The following GPR158 variants were observed in gnomAD, a reference collection of about 807,000 sequenced individuals.
GPR158 encodes metabotropic glycine receptor.
Under a neutral mutation model 78.2 loss-of-function variants are expected in GPR158, and 30 were observed. That is an observed-to-expected ratio of 0.38 (90% CI 0.29 to 0.52). GPR158 has a LOEUF of 0.52. Ranked by LOEUF, GPR158 falls within the 20% of genes least tolerant of loss-of-function variation. The probability of loss-of-function intolerance (pLI) is 0.83; values close to 1 mark genes in which losing one functional copy is unlikely to be tolerated. For missense variants in GPR158, 1,463 were observed against 1,523.5 expected, an observed-to-expected ratio of 0.96 and a Z score of 0.66; for synonymous variants, 581 against 591.1, an observed-to-expected ratio of 0.98 and a Z score of 0.25.
intron 2 of GPR158, among the ~76,000 whole-genome samples, chr10:25,379,525 G>T (rs570636654): frequency 4.6e-5 from 7 of 152,172 alleles, no homozygotes; most frequent in African/African-American, 1.7e-4. Context: ...CCTAAATTCC[G>T]AAGTAGTCTC....
chr10:25,305,756 G>C (rs903662665), intron 2 of GPR158, among the ~76,000 whole-genome samples: 3 of 152,194 alleles, frequency 2.0e-5, no homozygotes, highest in African/African-American at 7.2e-5. Context: ...GGTGCCCTAT[G>C]ACATCATGGG....
At chr10:25,464,104 A>G (rs1308980433) in intron 4 of GPR158, among the ~76,000 whole-genome samples, 1 of 152,214 alleles carries the variant, frequency 6.6e-6, no homozygotes, top group Admixed American at 6.5e-5. Context: ...ATCTGAAATT[A>G]TGGGCTCCTC....
At chr10:25,574,283 C>T (rs34874972) in intron 7 of GPR158, among the ~76,000 whole-genome samples, 68,928 of 150,788 alleles carry the variant, frequency 0.46, 16,064 homozygotes, top group African/African-American at 0.51. Context: ...ATTTATTTTG[C>T]ATTCCAAAGA....
intron 5 of GPR158, among the ~76,000 whole-genome samples, chr10:25,533,933 T>A (rs1448539045): frequency 6.6e-6 from 1 of 152,150 alleles, no homozygotes; most frequent in African/African-American, 2.4e-5. Context: ...GTGGGAGTAA[T>A]AATAATGCCT....
intron 2 of GPR158, among the ~76,000 whole-genome samples, chr10:25,338,450 A>T (rs1315497043): frequency 2.1e-5 from 3 of 142,998 alleles, no homozygotes; most frequent in South Asian, 2.1e-4. Context: ...ATATATACGT[A>T]ATATATATAT....
intron 2 of GPR158, among the ~76,000 whole-genome samples, chr10:25,362,468 A>G (rs1039123889): frequency 6.6e-6 from 1 of 151,924 alleles, no homozygotes; most frequent in Non-Finnish European, 1.5e-5. Flanking sequence ...TTTTAAGATG[A>G]ACTTCCCTAT....
chr10:25,412,502 T>G (rs112503333), intron 4 of GPR158, 29 bp downstream of exon 4: 1 of 1,458,426 alleles, frequency 6.9e-7, no homozygotes, highest in Admixed American at 1.7e-5. Context: ...GTTATGATCC[T>G]GTATTACAGA....
rs754234381 is a variant in GPR158, at chr10:25,241,223, T to TTTTCTTTCC, written c.1008+20102_1008+20110dup. Reference sequence around the variant, plus strand: ...CTTTCCTTTCTTTCCTTTCTTTCCTTTTTCTTTCCTTTCTTTCCTTTCTTT... The same window carrying TTTTCTTTCC: ...CTTTCCTTTCTTTCCTTTCTTTCCTTTTTCTTTCCTTTCTTTCCTTTCTTTCCTTTCTTT... On this transcript the variant is annotated intron_variant, in intron 2 of 10. Transcript: ENST00000376351. Among the ~76,000 whole-genome samples, 121 of 95,348 alleles carry TTTTCTTTCC rather than the reference T, an allele frequency of 1.3e-3. 1 individual carries two copies. The highest frequency in any genetic ancestry group is 6.5e-3 in the African/African-American group (104 of 15,928). 62.6% of individuals were successfully genotyped at this position (95,348 alleles called of 152,430 possible). A position where few individuals can be genotyped will look rare whatever the true frequency, so the allele number is the denominator to read the frequency against.
intron 5 of GPR158, among the ~76,000 whole-genome samples, chr10:25,490,754 T>C (rs7080555): frequency 0.71 from 103,499 of 145,642 alleles, 38,215 homozygotes; most frequent in East Asian, 0.99. Context: ...AATAAACATA[T>C]GTGTGCATGT....
chr10:25,347,291 T>C (rs1274486879), intron 2 of GPR158, among the ~76,000 whole-genome samples: 5 of 151,990 alleles, frequency 3.3e-5, no homozygotes, highest in Non-Finnish European at 4.4e-5. Flanking sequence ...CTCTCTGACC[T>C]ATCTTTTGTA....
chr10:25,384,078 T>C (rs1028098631), intron 2 of GPR158, among the ~76,000 whole-genome samples: 1 of 152,216 alleles, frequency 6.6e-6, no homozygotes, highest in Non-Finnish European at 1.5e-5. Flanking sequence ...TTATCTTATT[T>C]ACCCTTACTT....
intron 7 of GPR158, among the ~76,000 whole-genome samples, chr10:25,575,721 ATTATTATTTCAAATCCTCTT>A (rs890958035): frequency 6.6e-6 from 1 of 152,052 alleles, no homozygotes; most frequent in African/African-American, 2.4e-5. Flanking sequence ...ATTGTTTTCA[ATTATTATTTCAAATCCTCTT>A]TTCATACCTC....
chr10:25,351,398 C>T (rs1200588570), intron 2 of GPR158, among the ~76,000 whole-genome samples: 2 of 147,414 alleles, frequency 1.4e-5, no homozygotes, highest in African/African-American at 5.2e-5. Flanking sequence ...TTTATTTTCA[C>T]GTTAAACTAT....
chr10:25,337,383 A>G (rs1223258677), intron 2 of GPR158, among the ~76,000 whole-genome samples: 1 of 152,082 alleles, frequency 6.6e-6, no homozygotes, highest in Non-Finnish European at 1.5e-5. Flanking sequence ...CTGTCTTTGA[A>G]TGTTATGTTT....
At chr10:25,177,140 C>T (rs912496545) in intron 1 of GPR158, among the ~76,000 whole-genome samples, 1 of 152,214 alleles carries the variant, frequency 6.6e-6, no homozygotes. Flanking sequence ...CTCAAGGAGG[C>T]TGGAGGAAAC....
intron 7 of GPR158, 58 bp downstream of exon 7, chr10:25,572,945 G>A: frequency 9.9e-7 from 1 of 1,007,856 alleles, no homozygotes; most frequent in Non-Finnish European, 1.6e-6. Flanking sequence ...CATTACAACT[G>A]ACTTCTTTAA....
At chr10:25,360,380 T>G (rs1398531651) in intron 2 of GPR158, among the ~76,000 whole-genome samples, 4 of 152,102 alleles carry the variant, frequency 2.6e-5, no homozygotes, top group African/African-American at 7.2e-5. Flanking sequence ...TTTTATGGCT[T>G]TAGGTCTTAT....
At chr10:25,508,342 C>T (rs1296874593) in intron 5 of GPR158, among the ~76,000 whole-genome samples, 1 of 152,050 alleles carries the variant, frequency 6.6e-6, no homozygotes, top group African/African-American at 2.4e-5. Flanking sequence ...TTCAGGTCTG[C>T]CTTCCATGCA....
At chr10:25,225,635 C>G (rs985278381) in intron 2 of GPR158, among the ~76,000 whole-genome samples, 4 of 152,074 alleles carry the variant, frequency 2.6e-5, no homozygotes, top group Non-Finnish European at 4.4e-5. Flanking sequence ...TTTTTGCATG[C>G]CAATTAAAGT....
Sources: gnomAD v4.1 joint callset for allele counts (sites outside exome capture counted in the v4.1 genomes callset) on GRCh38, gnomAD v4.1.1 for gene constraint, MANE v1.5 for transcripts, NCBI Gene and HGNC (gene_info 2026-07-23, HGNC 2026-07-21) for gene names.